Variants in ESCO2 observed in about 807,000 individuals in gnomAD.
ESCO2 encodes N-acetyltransferase ESCO2.
A neutral mutation model predicts 61.7 loss-of-function variants in ESCO2; 51 were observed. That is an observed-to-expected ratio of 0.83 (90% confidence interval 0.66 to 1.04). ESCO2 has a LOEUF of 1.04. Among genes scored for constraint, ESCO2 ranks in the 50% least tolerant of loss-of-function variants. The probability of loss-of-function intolerance (pLI) is 0.00; values close to 1 mark genes in which losing one functional copy is unlikely to be tolerated. For missense variants in ESCO2, 692 were observed against 686.2 expected (o/e 1.01, Z -0.09); for synonymous variants, 230 against 238.2 (o/e 0.97, Z 0.32).
rs1804891444 is a variant in ESCO2 at position 27,780,155 on chromosome 8, T to C, written c.862-19T>C. 1 of 1,486,120 alleles carries C rather than the reference T, an allele frequency of 6.7e-7. No individual in the cohort carries two copies. Among genetic ancestry groups the C allele is most frequent in the Admixed American group, 1.7e-5 (1 of 58,548 alleles). The allele number at this position is 1,486,120 out of a possible 1,614,324, so 92.1% of individuals were successfully genotyped here. A position where few individuals can be genotyped will look rare whatever the true frequency, so the allele number is the denominator to read the frequency against. On this transcript the variant is annotated intron_variant, in intron 3 of 10. Coordinates refer to ENST00000305188, the MANE Select transcript of ESCO2 (RefSeq NM_001017420.3). Reference sequence around the variant, plus strand: ...TAAAAATTACAGATGTTTGGTTTTTTTTTTAAACCTATTTTCAGGATTCAT... The same window carrying C: ...TAAAAATTACAGATGTTTGGTTTTTCTTTTAAACCTATTTTCAGGATTCAT...
At chr8:27,806,050 C>T (rs1805556052), downstream of ESCO2, among the ~76,000 whole-genome samples, 1 of 152,164 alleles carries the variant, frequency 6.6e-6, no homozygotes, top group African/African-American at 2.4e-5. Context: ...TTGTACATCC[C>T]CCCTTATCTG....
At chr8:27,772,220 C>A (rs1475786249), upstream of ESCO2, among the ~76,000 whole-genome samples, 1 of 152,208 alleles carries the variant, frequency 6.6e-6, no homozygotes, top group African/African-American at 2.4e-5. Flanking sequence ...CAGGCTCTGC[C>A]CAATCCCAGG....
At chr8:27,775,184 C>G (rs1202946284) in intron 1 of ESCO2, among the ~76,000 whole-genome samples, 1 of 152,170 alleles carries the variant, frequency 6.6e-6, no homozygotes, top group Admixed American at 6.5e-5. Flanking sequence ...AGGAAAATGG[C>G]AGAGGACTGT....
downstream of ESCO2, chr8:27,809,952 T>A (rs143110122): frequency 2.5e-4 from 58 of 234,064 alleles, no homozygotes; most frequent in East Asian, 5.9e-3. Context: ...CTAATGTCAG[T>A]AGATCCATTA....
chr8:27,803,403 AC>A lies in ESCO2; in HGVS notation c.1775del (p.Pro592LeufsTer31). ...GTTATTTGCAACCAAGTACTGCAACACCCCTAATTTCCTCGTATATAATTTT... is the reference window on the plus strand; with the variant it reads ...GTTATTTGCAACCAAGTACTGCAACACCCTAATTTCCTCGTATATAATTTT... ...GKLFATKYCN[T>X]PNFLVYNFNS On this transcript the variant is annotated frameshift_variant, in exon 11 of 11. Transcript: ENST00000305188. LOFTEE classifies it high-confidence loss of function. 1 of 1,613,628 alleles carries A rather than the reference AC, an allele frequency of 6.2e-7. No homozygotes were observed. Among genetic ancestry groups the A allele is most frequent in the Non-Finnish European group, 8.5e-7 (1 of 1,179,654 alleles).
chr8:27,799,451 A>T, intron 9 of ESCO2, 90 bp from the exon 10 acceptor site: 1 of 1,324,696 alleles, frequency 7.5e-7, no homozygotes, highest in Non-Finnish European at 1.1e-6. Flanking sequence ...TATAAGTTAA[A>T]TTTTTGATAC....
chr8:27,773,347 A>G (rs1359391331), upstream of ESCO2, among the ~76,000 whole-genome samples: 2 of 152,100 alleles, frequency 1.3e-5, no homozygotes, highest in African/African-American at 4.8e-5. Context: ...TAGTTTCTAT[A>G]CATCAATGAG....
chr8:27,796,521 T>G (rs1036579865), intron 9 of ESCO2, among the ~76,000 whole-genome samples: 1 of 152,178 alleles, frequency 6.6e-6, no homozygotes, highest in Non-Finnish European at 1.5e-5. Flanking sequence ...TCTTTCTTCT[T>G]TTTTTATGTA....
At chr8:27,790,393 G>C (rs1328763393) in intron 7 of ESCO2, among the ~76,000 whole-genome samples, 1 of 152,070 alleles carries the variant, frequency 6.6e-6, no homozygotes, top group Non-Finnish European at 1.5e-5. Flanking sequence ...AGTATATCCA[G>C]TGAAAAGTGT....
chr8:27,815,618 G>A (rs1378627558), downstream of ESCO2, among the ~76,000 whole-genome samples: 1 of 152,168 alleles, frequency 6.6e-6, no homozygotes, highest in East Asian at 1.9e-4. Flanking sequence ...ACGTATATGT[G>A]TGTGTACACA....
Position 27,780,206 on chromosome 8 carries a change from A to T in ESCO2, c.894A>T (p.Glu298Asp), listed in dbSNP as rs890001376. The T allele has an allele frequency of 5.6e-6, 9 of 1,612,076 alleles. No homozygotes were observed. In the African/African-American group the frequency reaches 1.2e-4, roughly 22 times the overall value. ...DSSDDRVSSK[E>D]HKVDKNEAFS... is the part of the protein sequence containing the mutation. The stretch of plus-strand genomic sequence containing the variant: ...CAGATGACAGAGTTTCTTCAAAGGA[A>T]CATAAAGTTGATAAAAATGAGGCTT... Residue 298 changes from glutamate (E) to aspartate (D), a missense_variant, in exon 4 of 11, where the codon GAA (glutamate) becomes GAT (aspartate). Coordinates refer to ENST00000305188, the MANE Select transcript of ESCO2 (RefSeq NM_001017420.3).
At chr8:27,782,983 A>ATT (rs144108016) in intron 4 of ESCO2, among the ~76,000 whole-genome samples, 1 of 150,842 alleles carries the variant, frequency 6.6e-6, no homozygotes, top group African/African-American at 2.4e-5. Context: ...ATTTATATGT[A>ATT]TTTTTTTTTC....
At position 27,803,546 on chromosome 8, in the gene ESCO2, T is replaced by TCAGACACA; in HGVS notation, c.*110_*111insGACACACA. The TCAGACACA allele has an allele frequency of 5.3e-6, 6 of 1,124,666 alleles. No individual in the cohort carries two copies. Among genetic ancestry groups the TCAGACACA allele is most frequent in the East Asian group, 5.7e-5 (2 of 35,188 alleles). The allele number at this position is 1,124,666 out of a possible 1,614,324, so 69.7% of individuals were successfully genotyped here. A position where few individuals can be genotyped will look rare whatever the true frequency, so the allele number is the denominator to read the frequency against. On this transcript the variant is annotated 3_prime_UTR_variant, in exon 11 of 11. Coordinates refer to ENST00000305188, the MANE Select transcript of ESCO2 (RefSeq NM_001017420.3). Reference sequence around the variant, plus strand: ...AAATAAAAAATACCGAGACTCACACTCATACACACACACACACACACGCAC... The same window carrying TCAGACACA: ...AAATAAAAAATACCGAGACTCACACTCAGACACACATACACACACACACACACACGCAC...
chr8:27,815,864 T>C (rs533601097), downstream of ESCO2, among the ~76,000 whole-genome samples: 1 of 152,312 alleles, frequency 6.6e-6, no homozygotes, highest in African/African-American at 2.4e-5. Context: ...AGTGATTGGG[T>C]TTGCTCCCTG....
At chr8:27,809,893 G>A (rs112744328), downstream of ESCO2, 1,201 of 158,418 alleles carry the variant, frequency 7.6e-3, 14 homozygotes, top group African/African-American at 0.027. Context: ...TCAGCAAAAG[G>A]TTCAGTGTTT....
intron 4 of ESCO2, among the ~76,000 whole-genome samples, chr8:27,780,785 T>C (rs1804908748): frequency 1.3e-5 from 2 of 152,238 alleles, no homozygotes; most frequent in Non-Finnish European, 2.9e-5. Context: ...TTCCTGTCAA[T>C]TCTGAAATCC....
upstream of ESCO2, chr8:27,771,999 G>A (rs1210115702): frequency 6.5e-6 from 1 of 154,458 alleles, no homozygotes; most frequent in Non-Finnish European, 1.4e-5. Flanking sequence ...GAGAGTGGCT[G>A]GGTGGACATC....
chr8:27,794,662 G>A (rs1301577458), intron 9 of ESCO2, among the ~76,000 whole-genome samples: 1 of 152,102 alleles, frequency 6.6e-6, no homozygotes, highest in Non-Finnish European at 1.5e-5. Context: ...CCAGACCGAT[G>A]TCAAGCTTTT....
downstream of ESCO2, chr8:27,811,097 T>C: frequency 3.7e-6 from 6 of 1,613,874 alleles, no homozygotes; most frequent in Non-Finnish European, 5.1e-6. Context: ...TGGGTTTCCA[T>C]GGCTCTGTGC....
Sources: allele counts gnomAD v4.1 joint callset (sites outside exome capture counted in the v4.1 genomes callset), GRCh38; gene constraint gnomAD v4.1.1; transcripts MANE v1.5; gene names NCBI Gene and HGNC (gene_info 2026-07-23, HGNC 2026-07-21).